MELK: variants seen among roughly 807,000 people sequenced by gnomAD.
MELK encodes the protein pEg3 kinase.
In MELK, 81 loss-of-function variants were observed where a neutral mutation model predicts 85.0. The ratio of observed to expected loss-of-function variants is 0.95; its 90% confidence interval spans 0.80 to 1.15. The LOEUF (loss-of-function observed/expected upper bound fraction) is 1.15, where lower values mean the gene tolerates loss of function less well. MELK is among the 50% of genes most tolerant of loss of function. The probability of loss-of-function intolerance (pLI) is 0.00; values close to 1 mark genes in which losing one functional copy is unlikely to be tolerated. For missense variants in MELK, 754 were observed against 777.5 expected (o/e 0.97, Z 0.36); for synonymous variants, 252 against 265.0 (o/e 0.95, Z 0.48).
At chr9:36,617,998 A>G (rs558174583) in intron 8 of MELK, among the ~76,000 whole-genome samples, 6 of 152,058 alleles carry the variant, frequency 3.9e-5, no homozygotes, top group African/African-American at 1.4e-4. Flanking sequence ...GCATGGTGGC[A>G]TTTGTCTTTA....
chr9:36,656,740 ACCT>A lies in MELK; in HGVS notation c.1054-500_1054-498del, dbSNP rs1274416665. ...CCTGGTGGACTCAAGTGATCCTCCC[ACCT>A]AAGCCTCCCAAGTACCTGGGCCTAC... On this transcript the variant is annotated intron_variant, in intron 12 of 17. Coordinates refer to ENST00000298048, the MANE Select transcript of MELK (RefSeq NM_014791.4). Among the ~76,000 whole-genome samples, 315 of 151,654 alleles carry A rather than the reference ACCT, an allele frequency of 2.1e-3. 1 individual carries two copies. The highest frequency in any genetic ancestry group is 7.3e-3 in the African/African-American group (302 of 41,316).
At chr9:36,596,412 C>A (rs565398109) in intron 5 of MELK, among the ~76,000 whole-genome samples, 1 of 151,838 alleles carries the variant, frequency 6.6e-6, no homozygotes, top group East Asian at 1.9e-4. Context: ...CCTGCCACCA[C>A]GCCCGGCTAA....
chr9:36,658,729 C>A (rs1831496174), intron 13 of MELK, among the ~76,000 whole-genome samples: 1 of 27,304 alleles, frequency 3.7e-5, no homozygotes, highest in Non-Finnish European at 7.9e-5. Context: ...GAGACAGAGG[C>A]TCCGCTGTAT....
At position 36,671,000 on chromosome 9, in the gene MELK, G is replaced by T; in HGVS notation, c.1508G>T (p.Cys503Phe). Reference protein sequence around the residue: ...MTGVISPERRCRSVELDLNQA... With the variant: ...MTGVISPERRFRSVELDLNQA... ...CCTTGTTTTATGTTTTGTTTCAGGT[G>T]CCGCTCAGTGGAATTGGATCTCAAC... The change falls in exon 16 of 18, where the codon TGC (cysteine) becomes TTC (phenylalanine). Residue 503 changes from cysteine (C) to phenylalanine (F), a missense_variant and splice_region_variant. Coordinates refer to ENST00000298048, the MANE Select transcript of MELK (RefSeq NM_014791.4). The T allele has an allele frequency of 1.9e-6, 3 of 1,606,484 alleles. No individual in the cohort carries two copies. Among genetic ancestry groups the T allele is most frequent in the Non-Finnish European group, 2.5e-6 (3 of 1,177,246 alleles).
In MELK at chr9:36,633,160, A is replaced by C; in HGVS notation, c.794A>C (p.Gln265Pro). 1 of 1,610,420 alleles carries C rather than the reference A, an allele frequency of 6.2e-7. No individual in the cohort carries two copies. Among genetic ancestry groups the C allele is most frequent in the Non-Finnish European group, 8.5e-7 (1 of 1,179,322 alleles). Residue 265 changes from glutamine (Q) to proline (P), a missense_variant, in exon 10 of 18, where the codon CAA (glutamine) becomes CCA (proline). Coordinates refer to ENST00000298048, the MANE Select transcript of MELK (RefSeq NM_014791.4). ...CTATTGAACCATCCCTGGATCATGCAAGATTACAACTATCCTGTTGAGTGG... is the reference window on the plus strand; with the variant it reads ...CTATTGAACCATCCCTGGATCATGCCAGATTACAACTATCCTGTTGAGTGG... Reference protein sequence around the residue: ...KNLLNHPWIMQDYNYPVEWQS... With the variant: ...KNLLNHPWIMPDYNYPVEWQS...
At chr9:36,594,504 C>T (rs537007326) in intron 4 of MELK, 124 bp from the exon 5 acceptor site, 88 of 1,061,562 alleles carry the variant, frequency 8.3e-5, no homozygotes, top group South Asian at 3.8e-4. Flanking sequence ...ATACCTTACT[C>T]GGTTCCATTC....
intron 10 of MELK, among the ~76,000 whole-genome samples, chr9:36,641,603 T>A (rs1434367380): frequency 3.5e-5 from 2 of 57,506 alleles, no homozygotes; most frequent in Admixed American, 2.0e-4. Flanking sequence ...TAAAGAGAGA[T>A]TTTTTTTTTT....
Position 36,599,506 on chromosome 9 carries a change from T to G in MELK, c.567+20T>G. 6.4e-7 allele frequency: 1 copy of G among 1,567,400 alleles called. No homozygotes were observed. Among genetic ancestry groups the G allele is most frequent in the Non-Finnish European group, 8.8e-7 (1 of 1,138,268 alleles). On this transcript the variant is annotated intron_variant, in intron 7 of 17. Coordinates refer to ENST00000298048, the MANE Select transcript of MELK (RefSeq NM_014791.4). Reference sequence around the variant, plus strand: ...TCAGAGGTAATTATTCATTGATTAATTCATTATATAATCAGCAGACATTTA... The same window carrying G: ...TCAGAGGTAATTATTCATTGATTAAGTCATTATATAATCAGCAGACATTTA...
At chr9:36,617,135 G>A (rs957719948) in intron 8 of MELK, among the ~76,000 whole-genome samples, 1 of 152,036 alleles carries the variant, frequency 6.6e-6, no homozygotes, top group Non-Finnish European at 1.5e-5. Flanking sequence ...AATTTTGATA[G>A]ATATTGCCAA....
chr9:36,645,256 CAAA>C (rs398046556), intron 11 of MELK, among the ~76,000 whole-genome samples: 3 of 60,748 alleles, frequency 4.9e-5, no homozygotes, highest in Non-Finnish European at 3.4e-5. Flanking sequence ...GACTCCGTCT[CAAA>C]AAAAAAAAAA....
intron 9 of MELK, among the ~76,000 whole-genome samples, chr9:36,631,634 C>T (rs1828634367): frequency 6.6e-6 from 1 of 151,926 alleles, no homozygotes; most frequent in Non-Finnish European, 1.5e-5. Context: ...GGAGTGCAGT[C>T]ATATGATCTT....
intron 14 of MELK, 23 bp from the exon 15 acceptor site, chr9:36,669,287 T>A: frequency 6.7e-7 from 1 of 1,497,752 alleles, no homozygotes; most frequent in Non-Finnish European, 9.2e-7. Flanking sequence ...GCATATGGAT[T>A]GTGTTTGTTC....
chr9:36,603,650 T>C (rs1587395569), intron 7 of MELK, among the ~76,000 whole-genome samples: 1 of 152,122 alleles, frequency 6.6e-6, no homozygotes, highest in Non-Finnish European at 1.5e-5. Flanking sequence ...CTGGGGCTGG[T>C]CTTGAACTCC....
chr9:36,630,949 T>C (rs2483638), intron 9 of MELK, among the ~76,000 whole-genome samples: 34,124 of 149,050 alleles, frequency 0.23, 6,280 homozygotes, highest in African/African-American at 0.52. Context: ...CCTCTACACC[T>C]GGCCCCAGCT....
At chr9:36,579,057 C>T (rs923798301) in intron 1 of MELK, among the ~76,000 whole-genome samples, 2 of 140,246 alleles carry the variant, frequency 1.4e-5, no homozygotes, top group South Asian at 2.3e-4. Context: ...GATGGAATTT[C>T]GCTCTTGTTG....
chr9:36,637,506 A>G (rs1829334358), intron 10 of MELK, among the ~76,000 whole-genome samples: 1 of 152,244 alleles, frequency 6.6e-6, no homozygotes, highest in Non-Finnish European at 1.5e-5. Context: ...TCACACAGAT[A>G]TGTAATTAGA....
At chr9:36,606,224 A>G (rs1462167024) in intron 7 of MELK, among the ~76,000 whole-genome samples, 1 of 150,834 alleles carries the variant, frequency 6.6e-6, no homozygotes, top group Admixed American at 6.7e-5. Flanking sequence ...TGAGGTTTGT[A>G]GGACTATTTG....
intron 6 of MELK, among the ~76,000 whole-genome samples, chr9:36,598,214 CAT>C (rs1226489230): frequency 1.5e-5 from 2 of 130,800 alleles, no homozygotes; most frequent in African/African-American, 5.8e-5. Context: ...GATTGACAAA[CAT>C]ATAAAGAAAA....
chr9:36,637,463 G>A lies in MELK; in HGVS notation c.834+4263G>A, dbSNP rs553915501. ...GCATTCAGCCTGTTTTGATAACATCGTTTTGATTGAAACAAATGAAGAAAA... is the reference window on the plus strand; with the variant it reads ...GCATTCAGCCTGTTTTGATAACATCATTTTGATTGAAACAAATGAAGAAAA... On this transcript the variant is annotated intron_variant, in intron 10 of 17. Transcript: ENST00000298048. Among the ~76,000 whole-genome samples, 8 of 152,264 alleles carry A rather than the reference G, an allele frequency of 5.3e-5. No individual in the cohort carries two copies. The East Asian group carries it at 7.7e-4, about 15-fold the overall frequency.
Sources: gnomAD v4.1 joint callset for allele counts (sites outside exome capture counted in the v4.1 genomes callset) on GRCh38, gnomAD v4.1.1 for gene constraint, MANE v1.5 for transcripts, NCBI Gene and HGNC (gene_info 2026-07-23, HGNC 2026-07-21) for gene names.